The following CPB2 variants were observed in gnomAD, a reference collection of about 807,000 sequenced individuals.
CPB2 encodes carboxypeptidase B2, also known as carboxypeptidase B-like protein.
A neutral mutation model predicts 57.0 loss-of-function variants in CPB2; 54 were observed. That is an observed-to-expected ratio of 0.95 (90% CI 0.76 to 1.19). The LOEUF (loss-of-function observed/expected upper bound fraction) is 1.19. Among genes scored for constraint, CPB2 ranks in the 50% most tolerant of loss-of-function variants. The pLI is 0.00. For synonymous variants in CPB2, 189 were observed against 178.1 expected (o/e 1.06, Z -0.49); for missense variants, 426 against 512.0 (o/e 0.83, Z 1.62).
At chr13:46,102,366 G>A (rs2045444636) in intron 1 of CPB2, among the ~76,000 whole-genome samples, 1 of 152,060 alleles carries the variant, frequency 6.6e-6, no homozygotes, top group African/African-American at 2.4e-5. Flanking sequence ...AAAAGCAAAT[G>A]AATATGGAGT....
intron 7 of CPB2, among the ~76,000 whole-genome samples, 161 bp downstream of exon 7, chr13:46,067,146 A>G (rs367581994): frequency 3.3e-5 from 5 of 151,542 alleles, no homozygotes; most frequent in Non-Finnish European, 5.9e-5. Context: ...CTACACAATT[A>G]TGTGCACTTA....
At chr13:46,059,618 T>TCAC (rs2044743910) in intron 8 of CPB2, among the ~76,000 whole-genome samples, 1 of 128,830 alleles carries the variant, frequency 7.8e-6, no homozygotes, top group Non-Finnish European at 1.7e-5. Context: ...ATCATCATCA[T>TCAC]CATGTGGACT....
chr13:46,072,812 C>A (rs537243382), intron 6 of CPB2, among the ~76,000 whole-genome samples: 2 of 152,174 alleles, frequency 1.3e-5, no homozygotes, highest in Admixed American at 1.3e-4. Flanking sequence ...TTGGACCTTT[C>A]TCTATTAACT....
rs377759588 is a variant in CPB2, at chr13:46,084,177, G to C, written c.275+42C>G. 3.1e-6 allele frequency: 5 copies of C among 1,606,876 alleles called. No individual in the cohort carries two copies. The African/African-American group carries it at 6.7e-5, about 22-fold the overall frequency. ...CATACCCTAGTCAAGTGCATAGTAA[G>C]TGTTTATAATAACTACTCAATACGT... On this transcript the variant is annotated intron_variant, in intron 3 of 10. Transcript: ENST00000181383.
intron 5 of CPB2, among the ~76,000 whole-genome samples, chr13:46,076,160 A>C (rs2045019137): frequency 6.6e-6 from 1 of 152,196 alleles, no homozygotes; most frequent in African/African-American, 2.4e-5. Context: ...CAAACAGGTA[A>C]GAGAAAGAAA....
At chr13:46,084,395 A>T (rs772265895) in intron 2 of CPB2, 52 bp from the exon 3 acceptor site, 2 of 1,600,870 alleles carry the variant, frequency 1.2e-6, no homozygotes, top group Admixed American at 3.4e-5. Context: ...TGTTCACATC[A>T]TTCTCATCTG....
At chr13:46,082,816 A>G (rs906305243) in intron 3 of CPB2, among the ~76,000 whole-genome samples, 1 of 152,206 alleles carries the variant, frequency 6.6e-6, no homozygotes, top group African/African-American at 2.4e-5. Context: ...GTTTCCCACC[A>G]TTACCAACAT....
intron 6 of CPB2, among the ~76,000 whole-genome samples, chr13:46,072,730 A>G (rs2044961961): frequency 2.0e-5 from 3 of 152,150 alleles, no homozygotes; most frequent in Non-Finnish European, 4.4e-5. Context: ...AGTCAATATG[A>G]ATGGAGGTTT....
At chr13:46,103,185 A>G (rs1157537168) in intron 1 of CPB2, among the ~76,000 whole-genome samples, 5 of 152,188 alleles carry the variant, frequency 3.3e-5, no homozygotes, top group Non-Finnish European at 7.3e-5. Flanking sequence ...AGTTTGGGTT[A>G]CTCTACGATC....
intron 1 of CPB2, among the ~76,000 whole-genome samples, chr13:46,093,545 T>C (rs886573792): frequency 6.6e-6 from 1 of 152,240 alleles, no homozygotes; most frequent in East Asian, 1.9e-4. Flanking sequence ...AAAATGAGTT[T>C]GATTTATAAC....
chr13:46,061,393 C>G (rs895185215), intron 8 of CPB2, among the ~76,000 whole-genome samples: 1 of 152,114 alleles, frequency 6.6e-6, no homozygotes, highest in Non-Finnish European at 1.5e-5. Context: ...TTGCATCCTC[C>G]CAAATTCCTA....
intron 8 of CPB2, 29 bp downstream of exon 8, chr13:46,064,619 C>T (rs753270939): frequency 1.7e-5 from 27 of 1,559,580 alleles, no homozygotes; most frequent in Middle Eastern, 3.3e-4. Context: ...AGTGAAGAGA[C>T]ATTGCAAGAA....
chr13:46,084,551 AAAAAT>A (rs948260350), intron 2 of CPB2, among the ~76,000 whole-genome samples: 3 of 152,200 alleles, frequency 2.0e-5, no homozygotes, highest in Non-Finnish European at 1.5e-5. Context: ...GTTGCTAAAA[AAAAAT>A]AAAATAAAAG....
chr13:46,097,439 G>A lies in CPB2; in HGVS notation c.74+7497C>T, dbSNP rs2139423182. The A allele has an allele frequency of 1.3e-5, 2 of 152,268 alleles. 1 individual carries two copies. The highest frequency in any genetic ancestry group is 4.1e-4 in the South Asian group (2 of 4,826). 9.4% of individuals were successfully genotyped at this position (152,268 alleles called of 1,614,324 possible). On this transcript the variant is annotated intron_variant, in intron 1 of 10. Coordinates refer to ENST00000181383, the MANE Select transcript of CPB2 (RefSeq NM_001872.5). ...TCTGTCCTCTTCCACTCTGGGTATG[G>A]GTTTATCTCGCCTGCCTGTAGGGCC...
At chr13:46,101,519 C>A (rs1039595380) in intron 1 of CPB2, among the ~76,000 whole-genome samples, 4 of 152,080 alleles carry the variant, frequency 2.6e-5, no homozygotes, top group Non-Finnish European at 5.9e-5. Flanking sequence ...ACTTTCCATG[C>A]GAGAGCAGTG....
At chr13:46,072,333 A>G (rs993537143) in intron 6 of CPB2, among the ~76,000 whole-genome samples, 26 of 152,156 alleles carry the variant, frequency 1.7e-4, no homozygotes, top group Admixed American at 1.5e-3. Flanking sequence ...TGAAAGGTAA[A>G]TATTTTATTT....
At position 46,058,363 on chromosome 13, in the gene CPB2, G is replaced by A. The variant is rs574588968; in HGVS notation, c.815C>T (p.Ser272Phe). ...KHWCEEGASSSSCSETYCGLY... is the reference protein window; with the variant it reads ...KHWCEEGASSFSCSETYCGLY... The stretch of plus-strand genomic sequence containing the variant: ...TCCACAGTAGGTTTCCGAGCATGAG[G>A]AACTGGATGCACCTTCCTCTGTAAC... The change falls in exon 9 of 11, where the codon TCC becomes TTC. Residue 272 changes from serine (S) to phenylalanine (F), a missense_variant. Ser to Phe is a radical substitution (Grantham distance 155). Transcript: ENST00000181383. The A allele has an allele frequency of 5.0e-6, 8 of 1,614,054 alleles. No individual in the cohort carries two copies. The South Asian group carries it at 7.7e-5, about 16-fold the overall frequency.
chr13:46,102,593 T>G (rs67721570), intron 1 of CPB2, among the ~76,000 whole-genome samples: 1 of 28,344 alleles, frequency 3.5e-5, no homozygotes, highest in Non-Finnish European at 7.1e-5. Flanking sequence ...AGACTGTTAG[T>G]TTTTTTTTTT....
In CPB2 at chr13:46,066,844, C is replaced by CAA. The variant is rs35694352; in HGVS notation, c.702+461_702+462dup. Among the ~76,000 whole-genome samples, 65 of 99,260 alleles carry CAA rather than the reference C, an allele frequency of 6.5e-4. No individual in the cohort carries two copies. The East Asian group carries it at 0.013, about 19-fold the overall frequency. 65.1% of individuals were successfully genotyped at this position (99,260 alleles called of 152,430 possible). ...TGGGCGACAGAGCAAGACACCATCTCAAAAAAAAAAAAAAAAAAAAGTTAT... is the reference window on the plus strand; with the variant it reads ...TGGGCGACAGAGCAAGACACCATCTCAAAAAAAAAAAAAAAAAAAAAAGTTAT... On this transcript the variant is annotated intron_variant, in intron 7 of 10. Coordinates refer to ENST00000181383, the MANE Select transcript of CPB2 (RefSeq NM_001872.5).
Sources: allele counts gnomAD v4.1 joint callset (sites outside exome capture counted in the v4.1 genomes callset), GRCh38; gene constraint gnomAD v4.1.1; transcripts MANE v1.5; gene names NCBI Gene and HGNC (gene_info 2026-07-23, HGNC 2026-07-21).